The following ADSS1 variants were observed in gnomAD, a reference collection of about 807,000 sequenced individuals.
ADSS1 encodes the protein adenylosuccinate synthase 1, also known as adenylosuccinate synthetase isozyme 1.
In ADSS1, 57 loss-of-function variants were observed where a neutral mutation model predicts 59.1. The observed-to-expected ratio is 0.97, with a 90% CI of 0.78 to 1.20. The LOEUF is 1.20. ADSS1 is among the 50% of genes most tolerant of loss of function. The pLI is 0.00. For synonymous variants in ADSS1, 247 were observed against 249.4 expected (o/e 0.99, Z 0.09); for missense variants, 603 against 610.3 (o/e 0.99, Z 0.13).
At chr14:104,725,605 G>T (rs370258281) in intron 1 of ADSS1, among the ~76,000 whole-genome samples, 15 of 152,252 alleles carry the variant, frequency 9.9e-5, no homozygotes, top group African/African-American at 3.6e-4. Flanking sequence ...CTTGCTCTCC[G>T]TCCTAAGCAG....
At chr14:104,725,264 TG>T (rs1294100458) in intron 1 of ADSS1, among the ~76,000 whole-genome samples, 1 of 152,160 alleles carries the variant, frequency 6.6e-6, no homozygotes, top group African/African-American at 2.4e-5. Context: ...GCCGCCACCC[TG>T]GGGCTACATG....
chr14:104,746,223 G>T lies in ADSS1; in HGVS notation c.1172-13G>T, dbSNP rs2140833395. ...TCTGTGGGCCCCACTCATCTCCTGT[G>T]TGCTTCCCCCAGCTAACCAGGAGAT... On this transcript the variant is annotated splice_polypyrimidine_tract_variant and intron_variant, in intron 11 of 12. Coordinates refer to ENST00000330877, the MANE Select transcript of ADSS1 (RefSeq NM_152328.5). The T allele has an allele frequency of 1.2e-6, 2 of 1,601,762 alleles. No individual in the cohort carries two copies. Among genetic ancestry groups the T allele is most frequent in the Non-Finnish European group, 1.7e-6 (2 of 1,170,808 alleles).
rs959836150 is a variant in ADSS1 at position 104,745,091 on chromosome 14, G to C, written c.1171+182G>C. ...CCTCTCACGGGTTTCTCCCCACAGC[G>C]TTCCCCAGGAGGCCTGGCTGGGCAG... is the stretch of plus-strand genomic sequence containing the variant. On this transcript the variant is annotated intron_variant, in intron 11 of 12. Transcript: ENST00000330877. 1.9e-5 allele frequency: 11 copies of C among 577,086 alleles called. No individual in the cohort carries two copies. In the African/African-American group the frequency reaches 2.1e-4, roughly 11 times the overall value. The allele number at this position is 577,086 out of a possible 1,614,324, so 35.7% of individuals were successfully genotyped here. A position where few individuals can be genotyped will look rare whatever the true frequency, so the allele number is the denominator to read the frequency against.
rs750854629 is a variant in ADSS1, at chr14:104,741,935, T to C, written c.881T>C (p.Val294Ala). The change falls in exon 9 of 13, where the codon GTG becomes GCG. Residue 294 changes from valine to alanine, a missense_variant. Coordinates refer to ENST00000330877, the MANE Select transcript of ADSS1 (RefSeq NM_152328.5). ...ATCCCCCCGCAGAACATAGGTGACG[T>C]GTATGGCGTGGTGAAAGCCTATACC... ...LGIPPQNIGDVYGVVKAYTTR... is the reference protein window; with the variant it reads ...LGIPPQNIGDAYGVVKAYTTR... 1.9e-6 allele frequency: 3 copies of C among 1,613,344 alleles called. No individual in the cohort carries two copies. The highest frequency in any genetic ancestry group is 4.5e-5 in the East Asian group (2 of 44,868).
intron 3 of ADSS1, 58 bp from the exon 4 acceptor site, chr14:104,739,270 C>T (rs377485231): frequency 7.1e-6 from 11 of 1,560,058 alleles, no homozygotes; most frequent in African/African-American, 6.8e-5. Flanking sequence ...TGGCCCCTCA[C>T]GTGTGAGCTG....
At chr14:104,742,967 G>C (rs911594995) in intron 9 of ADSS1, 100 bp from the exon 10 acceptor site, 3 of 1,546,224 alleles carry the variant, frequency 1.9e-6, no homozygotes, top group Non-Finnish European at 2.6e-6. Flanking sequence ...CACCCTCAGG[G>C]ATTCTGAGAG....
chr14:104,738,082 C>T (rs1353739417), intron 2 of ADSS1: 5 of 286,314 alleles, frequency 1.7e-5, no homozygotes, highest in Admixed American at 9.7e-5. Context: ...CTGCAACCTC[C>T]GCCTCCCAGG....
At chr14:104,737,004 C>T (rs1891161777) in intron 2 of ADSS1, 1 of 151,180 alleles carries the variant, frequency 6.6e-6, no homozygotes, top group African/African-American at 2.4e-5. Context: ...GCCTCAGCAT[C>T]ACAAAATGTT....
Position 104,739,315 on chromosome 14 carries a change from C to T in ADSS1, c.359-13C>T, listed in dbSNP as rs373349360. 11 of 1,605,802 alleles carry T rather than the reference C, an allele frequency of 6.9e-6. No homozygotes were observed. Among genetic ancestry groups the T allele is most frequent in the Admixed American group, 5.1e-5 (3 of 58,896 alleles). On this transcript the variant is annotated splice_polypyrimidine_tract_variant and intron_variant, in intron 3 of 12. Coordinates refer to ENST00000330877, the MANE Select transcript of ADSS1 (RefSeq NM_152328.5). ...TGTGAACACTGACCCACCTGTGTGC[C>T]GTGTCCCCGCAGGCCTGAAGGACTG... is the stretch of plus-strand genomic sequence containing the variant.
At position 104,729,501 on chromosome 14, in the gene ADSS1, C is replaced by T. The variant is rs557917951; in HGVS notation, c.192+5039C>T. Among the ~76,000 whole-genome samples the T allele has an allele frequency of 5.4e-5, 7 of 129,940 alleles. No homozygotes were observed. The East Asian group carries it at 9.6e-4, about 18-fold the overall frequency. 85.2% of individuals were successfully genotyped at this position (129,940 alleles called of 152,430 possible). ...CGTCGGCGTGGGAGGGAGGAGGTAG[C>T]GTCGGCGTGGGGGAGGAGCGTGGCG... On this transcript the variant is annotated intron_variant, in intron 1 of 12. Coordinates refer to ENST00000330877, the MANE Select transcript of ADSS1 (RefSeq NM_152328.5).
In ADSS1 at chr14:104,740,126, G is replaced by A. The variant is rs950312247; in HGVS notation, c.476+310G>A. Among the ~76,000 whole-genome samples, 2 of 152,116 alleles carry A rather than the reference G, an allele frequency of 1.3e-5. No individual in the cohort carries two copies. The highest frequency in any genetic ancestry group is 4.8e-5 in the African/African-American group (2 of 41,394). On this transcript the variant is annotated intron_variant, in intron 5 of 12. Transcript: ENST00000330877. The surrounding 1 kb of genome is among the most constrained non-coding windows in gnomAD (Gnocchi z 4.8). ...CCTGACTCCACACGGCCCCAGGGAA[G>A]ACACGAGGAACACTAAAGCAGTTTA...
Position 104,739,755 on chromosome 14 carries a change from G to A in ADSS1, c.415G>A (p.Asp139Asn). The change falls in exon 5 of 13, where the codon GAT (aspartate) becomes AAT (asparagine). Residue 139 changes from aspartate (D) to asparagine (N), a missense_variant. Asp to Asn is a conservative substitution (Grantham distance 23). Transcript: ENST00000330877. ...TCACCTGGCCCGCCCGACAGTGTTT[G>A]ATTTTCACCAGGCTGTCGACGGACT... ...IISDRAHLVF[D>N]FHQAVDGLQE... 1 of 1,613,924 alleles carries A rather than the reference G, an allele frequency of 6.2e-7. No individual in the cohort carries two copies.
intron 4 of ADSS1, 32 bp downstream of exon 4, chr14:104,739,410 C>T (rs1460183236): frequency 6.3e-7 from 1 of 1,585,554 alleles, no homozygotes; most frequent in African/African-American, 1.3e-5. Context: ...AGGGAACAGC[C>T]CCTCCTGCCC....
chr14:104,729,413 T>C (rs1468132244), intron 1 of ADSS1, among the ~76,000 whole-genome samples: 1 of 151,932 alleles, frequency 6.6e-6, no homozygotes, highest in African/African-American at 2.4e-5. Flanking sequence ...CTGGGCAGTG[T>C]GGAGGTGAGG....
intron 4 of ADSS1, 170 bp downstream of exon 4, chr14:104,739,548 TG>T: frequency 1.1e-6 from 1 of 945,934 alleles, no homozygotes; most frequent in Non-Finnish European, 1.6e-6. Flanking sequence ...AGTTGGGAGC[TG>T]GGTCAGGGGT....
rs1254196679 is a variant in ADSS1 at position 104,736,881 on chromosome 14, G to GATTAT, written c.296-1493_296-1492insTATAT. ...CAGGCTTATGCCACCGCACCTAGCT[G>GATTAT]ATATATATATATATATATATATATA... On this transcript the variant is annotated intron_variant, in intron 2 of 12. Transcript: ENST00000330877. Among the ~76,000 whole-genome samples the GATTAT allele has an allele frequency of 1.2e-3, 132 of 106,572 alleles. 8 individuals carry two copies. The highest frequency in any genetic ancestry group is 4.6e-3 in the African/African-American group (128 of 28,120). 69.9% of individuals were successfully genotyped at this position (106,572 alleles called of 152,430 possible). A position where few individuals can be genotyped will look rare whatever the true frequency, so the allele number is the denominator to read the frequency against.
rs202143422 is a variant in ADSS1, at chr14:104,743,239, G to A, written c.1073+48G>A. 35 of 1,596,294 alleles carry A rather than the reference G, an allele frequency of 2.2e-5. No individual in the cohort carries two copies. The East Asian group carries it at 3.8e-4, about 17-fold the overall frequency. On this transcript the variant is annotated intron_variant, in intron 10 of 12. Transcript: ENST00000330877. ...CCCACTGGGACCGTCCCTGACTCCC[G>A]ACACCTGCAGAGGCAAGCAGCACTT...
At chr14:104,742,978 C>G (rs777312046) in intron 9 of ADSS1, 89 bp from the exon 10 acceptor site, 1 of 1,572,400 alleles carries the variant, frequency 6.4e-7, no homozygotes, top group Non-Finnish European at 8.7e-7. Flanking sequence ...ATTCTGAGAG[C>G]TGTGTGCAGG....
chr14:104,744,947 G>C (rs150315593), intron 11 of ADSS1, 38 bp downstream of exon 11: 4 of 1,586,596 alleles, frequency 2.5e-6, no homozygotes, highest in Non-Finnish European at 3.5e-6. Context: ...CTGTTGGGCC[G>C]TTTCATGGTA....
Sources: gnomAD v4.1 joint callset for allele counts (sites outside exome capture counted in the v4.1 genomes callset) on GRCh38, gnomAD v4.1.1 for gene constraint, Gnocchi (gnomAD v3.1) non-coding constraint, MANE v1.5 for transcripts, NCBI Gene and HGNC (gene_info 2026-07-23, HGNC 2026-07-21) for gene names.